Variants in GPR176 observed in about 807,000 individuals in gnomAD.
GPR176 encodes the protein G protein-coupled receptor 176, also known as G-protein coupled receptor 176.
A neutral mutation model predicts 35.4 loss-of-function variants in GPR176; 26 were observed. That is an observed-to-expected ratio of 0.74 (90% CI 0.54 to 1.02). The LOEUF (loss-of-function observed/expected upper bound fraction) is 1.02, where lower values mean the gene tolerates loss of function less well. Ranked by LOEUF, GPR176 falls within the 50% of genes least tolerant of loss-of-function variation. GPR176 has a pLI of 0.00. For synonymous variants in GPR176, 278 were observed against 271.3 expected (o/e 1.02, Z -0.24); for missense variants, 597 against 665.3 (o/e 0.90, Z 1.13).
intron 1 of GPR176, among the ~76,000 whole-genome samples, chr15:39,827,480 C>G (rs1900747624): frequency 6.6e-6 from 1 of 152,108 alleles, no homozygotes; most frequent in African/African-American, 2.4e-5. Context: ...AGAAGAAAGT[C>G]TAATAGAAGT....
intron 1 of GPR176, among the ~76,000 whole-genome samples, chr15:39,901,532 A>G (rs1222282759): frequency 1.3e-5 from 2 of 152,194 alleles, no homozygotes; most frequent in African/African-American, 4.8e-5. Flanking sequence ...TTCTCTTTGC[A>G]AGAATAAGCT....
At chr15:39,867,368 G>T (rs974537003) in intron 1 of GPR176, among the ~76,000 whole-genome samples, 2 of 152,172 alleles carry the variant, frequency 1.3e-5, no homozygotes, top group Non-Finnish European at 2.9e-5. Context: ...GATTCCAAAT[G>T]TGGACAATAA....
intron 1 of GPR176, among the ~76,000 whole-genome samples, chr15:39,880,057 T>C (rs2032415373): frequency 6.6e-6 from 1 of 152,216 alleles, no homozygotes; most frequent in Non-Finnish European, 1.5e-5. Flanking sequence ...ATGCACACAG[T>C]GAACACCTTC....
At chr15:39,900,356 C>T (rs1299850670) in intron 1 of GPR176, among the ~76,000 whole-genome samples, 2 of 152,066 alleles carry the variant, frequency 1.3e-5, no homozygotes, top group Non-Finnish European at 2.9e-5. Context: ...TTCAGTTAAA[C>T]CTACATTCTT....
intron 2 of GPR176, among the ~76,000 whole-genome samples, 169 bp downstream of exon 2, chr15:39,806,837 C>T (rs1419831467): frequency 6.6e-6 from 1 of 152,170 alleles, no homozygotes; most frequent in Non-Finnish European, 1.5e-5. Flanking sequence ...TTGCTAAATC[C>T]ACCTGTCCTT....
intron 1 of GPR176, among the ~76,000 whole-genome samples, chr15:39,827,965 A>C (rs1900792898): frequency 6.6e-6 from 1 of 152,208 alleles, no homozygotes; most frequent in Admixed American, 6.5e-5. Context: ...AAATATGTGG[A>C]AGGCTACATC....
intron 1 of GPR176, among the ~76,000 whole-genome samples, chr15:39,855,024 C>T (rs1027755229): frequency 6.7e-6 from 1 of 149,708 alleles, no homozygotes; most frequent in African/African-American, 2.5e-5. Flanking sequence ...GCACTCCAGC[C>T]TGGGTAACAG....
At chr15:39,812,115 T>G (rs1275632544) in intron 1 of GPR176, among the ~76,000 whole-genome samples, 1 of 152,254 alleles carries the variant, frequency 6.6e-6, no homozygotes, top group Non-Finnish European at 1.5e-5. Context: ...ATTCAAATAC[T>G]ATTATACTGC....
At chr15:39,829,241 C>T (rs980656463) in intron 1 of GPR176, 14 of 1,475,528 alleles carry the variant, frequency 9.5e-6, no homozygotes, top group African/African-American at 2.8e-5. Flanking sequence ...AAAGATGTGT[C>T]GCTGGAAAAG....
intron 1 of GPR176, among the ~76,000 whole-genome samples, chr15:39,814,246 A>C (rs370906265): frequency 6.6e-6 from 1 of 152,056 alleles, no homozygotes; most frequent in Middle Eastern, 3.2e-3. Flanking sequence ...CTTATGTCAG[A>C]CCTCATTCTA....
At chr15:39,838,879 G>C (rs1022533166) in intron 1 of GPR176, among the ~76,000 whole-genome samples, 3 of 152,130 alleles carry the variant, frequency 2.0e-5, no homozygotes, top group Non-Finnish European at 4.4e-5. Context: ...ATCAGGAAAA[G>C]AGGAAGTCAA....
At chr15:39,809,726 C>T (rs536554089) in intron 1 of GPR176, among the ~76,000 whole-genome samples, 1 of 152,284 alleles carries the variant, frequency 6.6e-6, no homozygotes, top group East Asian at 1.9e-4. Flanking sequence ...TTAGGACATA[C>T]AGCCCATACA....
intron 1 of GPR176, among the ~76,000 whole-genome samples, chr15:39,861,504 A>G (rs538807065): frequency 7.9e-5 from 12 of 152,018 alleles, no homozygotes; most frequent in African/African-American, 2.7e-4. Context: ...CGCCAAGATC[A>G]TGCCACTGCA....
chr15:39,839,961 T>A (rs1901642488), intron 1 of GPR176, among the ~76,000 whole-genome samples: 1 of 152,126 alleles, frequency 6.6e-6, no homozygotes, highest in Non-Finnish European at 1.5e-5. Flanking sequence ...AGAATGGCGA[T>A]CATTAAAAAG....
At position 39,802,137 on chromosome 15, in the gene GPR176, G is replaced by A. The variant is rs1187573799; in HGVS notation, c.543C>T (p.Thr181=). 4 of 1,614,182 alleles carry A rather than the reference G, an allele frequency of 2.5e-6. No individual in the cohort carries two copies. Among genetic ancestry groups the A allele is most frequent in the Non-Finnish European group, 3.4e-6 (4 of 1,180,040 alleles). Residue 181 remains threonine (T), a synonymous_variant, in exon 3 of 3, where the codon ACC becomes ACT. Transcript: ENST00000561100. ...VVASVPVFAV[T]NVADIYATST... The stretch of plus-strand genomic sequence containing the variant: ...ACGTGGCATAGATGTCAGCCACATT[G>A]GTTACTGCAAACACAGGGACACTGG...
intron 1 of GPR176, among the ~76,000 whole-genome samples, chr15:39,853,588 T>G (rs940765550): frequency 6.6e-6 from 1 of 152,222 alleles, no homozygotes; most frequent in African/African-American, 2.4e-5. Flanking sequence ...AAATACCTAT[T>G]AAATCAATGA....
chr15:39,875,560 C>T (rs562546623), intron 1 of GPR176, among the ~76,000 whole-genome samples: 1 of 152,178 alleles, frequency 6.6e-6, no homozygotes, highest in Non-Finnish European at 1.5e-5. Flanking sequence ...CATAGACAAT[C>T]GGCAGTATTA....
At chr15:39,873,748 TCAC>T (rs367861052) in intron 1 of GPR176, among the ~76,000 whole-genome samples, 40 of 151,950 alleles carry the variant, frequency 2.6e-4, no homozygotes, top group Non-Finnish European at 2.1e-4. Context: ...ACCTTCACCA[TCAC>T]CACAAGCCAG....
At chr15:39,910,689 T>C (rs560910249) in intron 1 of GPR176, among the ~76,000 whole-genome samples, 2 of 152,146 alleles carry the variant, frequency 1.3e-5, no homozygotes, top group East Asian at 3.9e-4. Flanking sequence ...ATAGACAAGA[T>C]AGAAAAGGTT....
Sources: allele counts gnomAD v4.1 joint callset (sites outside exome capture counted in the v4.1 genomes callset), GRCh38; gene constraint gnomAD v4.1.1; transcripts MANE v1.5; gene names NCBI Gene and HGNC (gene_info 2026-07-23, HGNC 2026-07-21).